The following SAMMSON variants were observed in gnomAD, a reference collection of about 807,000 sequenced individuals.
SAMMSON encodes survival associated mitochondrial melanoma specific oncogenic non-coding RNA, also known as long intergenic non-protein coding RNA 1212.
At chr3:70,220,149 G>T (rs1261288454) in intron 4 of SAMMSON, among the ~76,000 whole-genome samples, 1 of 152,118 alleles carries the variant, frequency 6.6e-6, no homozygotes, top group South Asian at 2.1e-4. Flanking sequence ...AAACAGTGGT[G>T]AGATGTATTA....
chr3:70,265,877 G>A (rs1701912348), intron 6 of SAMMSON, among the ~76,000 whole-genome samples: 2 of 152,134 alleles, frequency 1.3e-5, no homozygotes, highest in Non-Finnish European at 1.5e-5. Context: ...CAGATCTCAT[G>A]AGACTCACTC....
intron 6 of SAMMSON, among the ~76,000 whole-genome samples, chr3:70,259,037 A>C (rs184131406): frequency 3.0e-4 from 46 of 152,330 alleles, no homozygotes; most frequent in African/African-American, 1.1e-3. Context: ...CTAATTAGAG[A>C]AAGATACAGT....
chr3:70,359,419 A>C (rs1249721706), intron 9 of SAMMSON, among the ~76,000 whole-genome samples: 1 of 152,194 alleles, frequency 6.6e-6, no homozygotes, highest in African/African-American at 2.4e-5. Context: ...AAAACAATTG[A>C]CTATTACTGA....
intron 6 of SAMMSON, among the ~76,000 whole-genome samples, chr3:70,260,706 A>G (rs1183809819): frequency 6.6e-6 from 1 of 152,024 alleles, no homozygotes; most frequent in East Asian, 1.9e-4. Flanking sequence ...CACCTGGGAT[A>G]CCTATAACTT....
At chr3:70,133,145 G>A (rs917408658) in intron 4 of SAMMSON, among the ~76,000 whole-genome samples, 4 of 152,144 alleles carry the variant, frequency 2.6e-5, no homozygotes, top group Non-Finnish European at 4.4e-5. Context: ...CTAATGGCTG[G>A]TGGCCCCTAG....
At chr3:70,391,710 T>A (rs1359178405), downstream of SAMMSON, among the ~76,000 whole-genome samples, 1 of 152,178 alleles carries the variant, frequency 6.6e-6, no homozygotes, top group African/African-American at 2.4e-5. Flanking sequence ...TCAGACTCAT[T>A]TGTTTCAATC....
intron 4 of SAMMSON, among the ~76,000 whole-genome samples, chr3:70,246,042 TAGAC>T (rs1701705375): frequency 6.6e-6 from 1 of 151,794 alleles, no homozygotes; most frequent in African/African-American, 2.4e-5. Flanking sequence ...TATATGTAGA[TAGAC>T]AGATAGAGAG....
At chr3:70,381,925 G>C (rs1346921594) in intron 9 of SAMMSON, among the ~76,000 whole-genome samples, 2 of 152,180 alleles carry the variant, frequency 1.3e-5, no homozygotes, top group East Asian at 3.9e-4. Flanking sequence ...TGGTCATTTG[G>C]GGAAATATGA....
intron 4 of SAMMSON, among the ~76,000 whole-genome samples, chr3:70,187,769 T>A (rs1701103050): frequency 6.6e-6 from 1 of 152,066 alleles, no homozygotes; most frequent in African/African-American, 2.4e-5. Flanking sequence ...CTCACCCATA[T>A]GTAGTCCATC....
intron 4 of SAMMSON, among the ~76,000 whole-genome samples, chr3:70,104,051 T>G (rs1262240653): frequency 6.6e-6 from 1 of 151,294 alleles, no homozygotes; most frequent in Admixed American, 6.6e-5. Context: ...GGAAATGACC[T>G]AAGCTTCTGT....
intron 4 of SAMMSON, chr3:70,172,212 G>A (rs532992923): frequency 3.3e-5 from 5 of 150,582 alleles, no homozygotes; most frequent in South Asian, 2.1e-4. Context: ...ATTTTTAAAG[G>A]CTAGTTAGTT....
At chr3:70,072,676 A>T (rs1044289175) in intron 4 of SAMMSON, 2 of 151,402 alleles carry the variant, frequency 1.3e-5, no homozygotes, top group South Asian at 2.1e-4. Context: ...ACAGAAAAAA[A>T]TTTTTTATAA....
chr3:70,053,640 A>G (rs570311777), intron 3 of SAMMSON, among the ~76,000 whole-genome samples: 1 of 152,228 alleles, frequency 6.6e-6, no homozygotes, highest in Admixed American at 6.5e-5. Flanking sequence ...TCCTGGATGC[A>G]TATATATTTT....
chr3:70,223,379 A>G (rs1701477013), intron 4 of SAMMSON, among the ~76,000 whole-genome samples: 1 of 152,186 alleles, frequency 6.6e-6, no homozygotes, highest in South Asian at 2.1e-4. Context: ...ATCAACTGAG[A>G]TGAGTGCAGA....
chr3:70,340,119 C>G (rs536958290), intron 7 of SAMMSON, among the ~76,000 whole-genome samples: 1 of 151,790 alleles, frequency 6.6e-6, no homozygotes, highest in Non-Finnish European at 1.5e-5. Context: ...ATGGATGAAG[C>G]TGGAAACCAT....
At chr3:70,427,251 G>T (rs1355981121) in intron 2 of SAMMSON, among the ~76,000 whole-genome samples, 1 of 152,158 alleles carries the variant, frequency 6.6e-6, no homozygotes, top group Non-Finnish European at 1.5e-5. Context: ...GATCTTCTAG[G>T]CATTCATTGT....
At chr3:70,031,650 T>A (rs1461237885) in intron 3 of SAMMSON, among the ~76,000 whole-genome samples, 1 of 152,112 alleles carries the variant, frequency 6.6e-6, no homozygotes, top group Non-Finnish European at 1.5e-5. Context: ...GTAGTGACTA[T>A]CAGTTTTAAC....
intron 9 of SAMMSON, among the ~76,000 whole-genome samples, chr3:70,376,477 A>G (rs1703016596): frequency 6.6e-6 from 1 of 152,220 alleles, no homozygotes; most frequent in African/African-American, 2.4e-5. Flanking sequence ...GGAAAGAATC[A>G]TTGTACACAT....
At chr3:70,339,496 T>G (rs1702693447) in intron 7 of SAMMSON, among the ~76,000 whole-genome samples, 4 of 152,070 alleles carry the variant, frequency 2.6e-5, no homozygotes, top group Admixed American at 2.6e-4. Context: ...ATTTTTACAA[T>G]CTACCCATCT....
Sources: allele counts gnomAD v4.1 joint callset (sites outside exome capture counted in the v4.1 genomes callset), GRCh38; gene constraint gnomAD v4.1.1; transcripts MANE v1.5; gene names NCBI Gene and HGNC (gene_info 2026-07-23, HGNC 2026-07-21).